The following ERC1 variants were observed in gnomAD, a reference collection of about 807,000 sequenced individuals.
ERC1 encodes ELKS/RAB6-interacting/CAST family member 1.
ERC1 carries 56 observed loss-of-function variants against 132.0 expected under a neutral mutation model. The ratio of observed to expected loss-of-function variants is 0.42; its 90% CI spans 0.34 to 0.53. ERC1 has a LOEUF of 0.53. Ranked by LOEUF, ERC1 falls within the 20% of genes least tolerant of loss-of-function variation. The probability of loss-of-function intolerance (pLI) is 0.03; values close to 1 mark genes in which losing one functional copy is unlikely to be tolerated. For missense variants in ERC1, 1,202 were observed against 1,349.9 expected, an observed-to-expected ratio of 0.89 and a Z score of 1.72; for synonymous variants, 478 against 476.1, an observed-to-expected ratio of 1.00 and a Z score of -0.05.
chr12:1,090,939 C>T (rs553939350), intron 3 of ERC1, among the ~76,000 whole-genome samples: 13 of 148,548 alleles, frequency 8.8e-5, no homozygotes, highest in African/African-American at 3.3e-4. Context: ...TTGCTCTGTC[C>T]CAGGCTGGAG....
At chr12:1,091,078 G>A (rs1469088261) in intron 3 of ERC1, among the ~76,000 whole-genome samples, 3 of 151,988 alleles carry the variant, frequency 2.0e-5, no homozygotes, top group Non-Finnish European at 4.4e-5. Flanking sequence ...TAGTAGAGAT[G>A]GGGTTTCGCC....
At chr12:1,172,567 C>G (rs1032219331) in intron 8 of ERC1, among the ~76,000 whole-genome samples, 9 of 151,798 alleles carry the variant, frequency 5.9e-5, no homozygotes, top group Non-Finnish European at 1.5e-5. Flanking sequence ...TGGGTATCAC[C>G]CCCCTTCTAT....
chr12:1,340,771 C>CT (rs1200035987), intron 15 of ERC1, among the ~76,000 whole-genome samples: 2 of 152,044 alleles, frequency 1.3e-5, no homozygotes, highest in African/African-American at 4.8e-5. Context: ...CCCTTCCCCT[C>CT]TTTTTTAATA....
chr12:1,490,910 T>C lies in ERC1; in HGVS notation c.*680T>C. The stretch of plus-strand genomic sequence containing the variant: ...GTCTGTCGCAGCCTTCCTCACTCTG[T>C]TCCTCGGCCAGTTAACAAGAAGATG... On this transcript the variant is annotated 3_prime_UTR_variant, in exon 19 of 19. Coordinates refer to ENST00000360905, the MANE Select transcript of ERC1 (RefSeq NM_178040.4). 4.3e-6 allele frequency: 1 copy of C among 232,300 alleles called. No individual in the cohort carries two copies. The highest frequency in any genetic ancestry group is 8.5e-6 in the Non-Finnish European group (1 of 117,424). The allele number at this position is 232,300 out of a possible 1,614,324, so 14.4% of individuals were successfully genotyped here.
At chr12:1,124,770 T>A (rs537278887) in intron 7 of ERC1, among the ~76,000 whole-genome samples, 1 of 152,044 alleles carries the variant, frequency 6.6e-6, no homozygotes, top group African/African-American at 2.4e-5. Context: ...CTACAGAGTT[T>A]AAAAATAATA....
intron 17 of ERC1, among the ~76,000 whole-genome samples, chr12:1,432,990 G>T (rs181012050): frequency 6.6e-5 from 10 of 152,352 alleles, no homozygotes; most frequent in Non-Finnish European, 1.3e-4. Context: ...CTGGCTGTGC[G>T]GTGTTTGAAT....
intron 15 of ERC1, among the ~76,000 whole-genome samples, chr12:1,344,027 G>C (rs1486890752): frequency 6.6e-6 from 1 of 152,082 alleles, no homozygotes; most frequent in Admixed American, 6.6e-5. Flanking sequence ...ATTTTTAGTA[G>C]AGACGGGGTT....
intron 8 of ERC1, among the ~76,000 whole-genome samples, chr12:1,174,255 C>T (rs552300448): frequency 5.7e-4 from 87 of 152,372 alleles, no homozygotes; most frequent in Middle Eastern, 6.8e-3. Flanking sequence ...AGGTCTTCCT[C>T]ACTGATGGCA....
At chr12:1,140,593 C>G (rs1386499154) in intron 7 of ERC1, among the ~76,000 whole-genome samples, 1 of 152,102 alleles carries the variant, frequency 6.6e-6, no homozygotes, top group African/African-American at 2.4e-5. Flanking sequence ...TTGATGTACC[C>G]TAAATGTGAA....
chr12:1,302,040 A>G (rs944840551), intron 15 of ERC1, among the ~76,000 whole-genome samples: 3 of 152,194 alleles, frequency 2.0e-5, no homozygotes, highest in Admixed American at 6.5e-5. Context: ...CTTGACAAAG[A>G]CATTGCAAAA....
At chr12:1,455,331 A>G (rs1343251204) in intron 18 of ERC1, among the ~76,000 whole-genome samples, 2 of 152,122 alleles carry the variant, frequency 1.3e-5, no homozygotes, top group African/African-American at 4.8e-5. Flanking sequence ...ATCTAACTAT[A>G]TTTTAACCCA....
chr12:1,032,011 T>C lies in ERC1; in HGVS notation c.669+3439T>C, dbSNP rs374864547. On this transcript the variant is annotated intron_variant, in intron 2 of 18. Transcript: ENST00000360905. ...TGGTGGTTCTGATGAGAAACCACTC[T>C]TGGGATCTTTAGAATTTAGTAAATC... is the stretch of plus-strand genomic sequence containing the variant. Among the ~76,000 whole-genome samples, 7 of 152,244 alleles carry C rather than the reference T, an allele frequency of 4.6e-5. No homozygotes were observed. The East Asian group carries it at 9.6e-4, about 21-fold the overall frequency.
intron 2 of ERC1, among the ~76,000 whole-genome samples, chr12:1,066,769 G>A (rs747274685): frequency 1.3e-4 from 19 of 150,890 alleles, no homozygotes; most frequent in Non-Finnish European, 2.6e-4. Flanking sequence ...GCTGGGAGGT[G>A]GAAGTTGCAG....
intron 11 of ERC1, among the ~76,000 whole-genome samples, chr12:1,189,278 C>A (rs760833316): frequency 2.0e-5 from 3 of 152,182 alleles, no homozygotes; most frequent in Non-Finnish European, 4.4e-5. Flanking sequence ...ATTCTCTAAT[C>A]CTTGCATGAG....
intron 15 of ERC1, among the ~76,000 whole-genome samples, chr12:1,340,349 G>A (rs1041621333): frequency 5.3e-5 from 8 of 152,068 alleles, no homozygotes; most frequent in Non-Finnish European, 7.4e-5. Flanking sequence ...TCAAGCCTAG[G>A]GAGATGGGCT....
chr12:1,171,821 A>C (rs868376463), intron 8 of ERC1, among the ~76,000 whole-genome samples: 2 of 152,228 alleles, frequency 1.3e-5, no homozygotes, highest in Non-Finnish European at 2.9e-5. Flanking sequence ...CAGAGTAATC[A>C]GTTCCACTTG....
At chr12:1,477,956 T>G (rs1441078335) in intron 18 of ERC1, among the ~76,000 whole-genome samples, 7 of 152,258 alleles carry the variant, frequency 4.6e-5, no homozygotes, top group African/African-American at 1.2e-4. Flanking sequence ...CTCTATGATA[T>G]TCCATTGTAT....
rs549317226 is a variant in ERC1, at chr12:1,122,582, T to A, written c.1569+6549T>A. 6.9e-5 allele frequency among the ~76,000 whole-genome samples: 10 copies of A among 144,262 alleles called. 1 individual carries two copies. The highest frequency in any genetic ancestry group is 1.6e-4 in the African/African-American group (6 of 36,772). 94.6% of individuals were successfully genotyped at this position (144,262 alleles called of 152,430 possible). A position where few individuals can be genotyped will look rare whatever the true frequency, so the allele number is the denominator to read the frequency against. ...CTATCTCTATCTGTGTCTCTATCTC[T>A]ATCTCTATCTCTATCTGTGTCTCTA... On this transcript the variant is annotated intron_variant, in intron 7 of 18. Transcript: ENST00000360905.
chr12:1,370,156 TA>T (rs34871374), intron 15 of ERC1, among the ~76,000 whole-genome samples: 2 of 152,262 alleles, frequency 1.3e-5, no homozygotes, highest in African/African-American at 2.4e-5. Flanking sequence ...TCTTCTTTCA[TA>T]AAAGATGAGC....
Sources: gnomAD v4.1 joint callset for allele counts (sites outside exome capture counted in the v4.1 genomes callset) on GRCh38, gnomAD v4.1.1 for gene constraint, MANE v1.5 for transcripts, NCBI Gene and HGNC (gene_info 2026-07-23, HGNC 2026-07-21) for gene names.